The following MIPOL1 variants were observed in gnomAD, a reference collection of about 807,000 sequenced individuals.
MIPOL1 encodes the protein mirror-image polydactyly gene 1 protein.
Under a neutral mutation model 60.9 loss-of-function variants are expected in MIPOL1, and 57 were observed. The ratio of observed to expected loss-of-function variants is 0.94; its 90% CI spans 0.76 to 1.17. MIPOL1 has a LOEUF of 1.17. Among genes scored for constraint, MIPOL1 ranks in the 50% most tolerant of loss-of-function variants. The pLI is 0.00. For missense variants in MIPOL1, 551 were observed against 511.6 expected (o/e 1.08, Z -0.74); for synonymous variants, 179 against 168.8 (o/e 1.06, Z -0.47).
intron 11 of MIPOL1, among the ~76,000 whole-genome samples, chr14:37,454,377 G>GC (rs2094454431): frequency 6.6e-6 from 1 of 152,216 alleles, no homozygotes; most frequent in Non-Finnish European, 1.5e-5. Context: ...AGAAGGTGTA[G>GC]TGATAGTGTT....
intron 7 of MIPOL1, among the ~76,000 whole-genome samples, chr14:37,306,864 C>A (rs577969153): frequency 6.6e-6 from 1 of 151,476 alleles, no homozygotes; most frequent in Admixed American, 6.6e-5. Flanking sequence ...AAGTAGTTAC[C>A]CTTCTTGAAA....
At chr14:37,211,606 T>C (rs940627606) in intron 1 of MIPOL1, among the ~76,000 whole-genome samples, 6 of 152,086 alleles carry the variant, frequency 3.9e-5, no homozygotes, top group African/African-American at 1.2e-4. Context: ...TGCAGCACTC[T>C]ATGTCTCCAT....
At chr14:37,226,866 T>A (rs1969835442) in intron 1 of MIPOL1, among the ~76,000 whole-genome samples, 1 of 152,116 alleles carries the variant, frequency 6.6e-6, no homozygotes, top group African/African-American at 2.4e-5. Context: ...CCTTTCTGGG[T>A]AGTGTGAGAA....
chr14:37,210,455 C>T (rs927986308), intron 1 of MIPOL1, among the ~76,000 whole-genome samples: 1 of 152,140 alleles, frequency 6.6e-6, no homozygotes, highest in Non-Finnish European at 1.5e-5. Flanking sequence ...TGGGTTCTTC[C>T]TGTTCACTGC....
At chr14:37,368,382 C>T (rs1175400171) in intron 9 of MIPOL1, among the ~76,000 whole-genome samples, 1 of 151,794 alleles carries the variant, frequency 6.6e-6, no homozygotes, top group Non-Finnish European at 1.5e-5. Flanking sequence ...AATATTGATA[C>T]GTACTGCCTA....
chr14:37,363,626 G>C (rs2092364121), intron 9 of MIPOL1, among the ~76,000 whole-genome samples: 1 of 152,190 alleles, frequency 6.6e-6, no homozygotes, highest in Non-Finnish European at 1.5e-5. Context: ...CATTCTCAAA[G>C]CTCAAATGCC....
intron 11 of MIPOL1, among the ~76,000 whole-genome samples, chr14:37,443,680 G>A (rs940862919): frequency 6.8e-6 from 1 of 147,446 alleles, no homozygotes; most frequent in Non-Finnish European, 1.5e-5. Flanking sequence ...TTTTACATTA[G>A]TATGAAAACT....
chr14:37,446,812 A>T (rs1283123552), intron 11 of MIPOL1, among the ~76,000 whole-genome samples: 4 of 152,186 alleles, frequency 2.6e-5, no homozygotes, highest in Admixed American at 2.6e-4. Flanking sequence ...TTCTCAGCAA[A>T]CTATTGCAAG....
intron 11 of MIPOL1, among the ~76,000 whole-genome samples, chr14:37,495,075 TA>T (rs949623330): frequency 5.3e-5 from 8 of 151,878 alleles, no homozygotes; most frequent in African/African-American, 1.9e-4. Context: ...GTGAGACTTT[TA>T]AAACTTAATC....
At chr14:37,267,242 C>T (rs1251632509) in intron 4 of MIPOL1, 73 bp downstream of exon 4, 3 of 1,151,062 alleles carry the variant, frequency 2.6e-6, no homozygotes, top group Non-Finnish European at 3.8e-6. Context: ...AATCTCAGCA[C>T]TTTGGGAGGA....
At chr14:37,539,236 G>A (rs1323610922) in intron 12 of MIPOL1, among the ~76,000 whole-genome samples, 1 of 152,088 alleles carries the variant, frequency 6.6e-6, no homozygotes, top group African/African-American at 2.4e-5. Flanking sequence ...CTGCCCAGCT[G>A]AGCCAAGCCC....
At chr14:37,209,767 A>C (rs528320299) in intron 1 of MIPOL1, among the ~76,000 whole-genome samples, 7 of 152,218 alleles carry the variant, frequency 4.6e-5, no homozygotes, top group Admixed American at 1.3e-4. Flanking sequence ...ACAGTGGTGC[A>C]AACATGGCTC....
intron 1 of MIPOL1, among the ~76,000 whole-genome samples, chr14:37,208,772 G>A (rs1019418408): frequency 1.3e-5 from 2 of 152,034 alleles, no homozygotes; most frequent in Admixed American, 1.3e-4. Flanking sequence ...TTTTGTATTA[G>A]TAGAGATGGG....
intron 12 of MIPOL1, among the ~76,000 whole-genome samples, chr14:37,510,404 T>C (rs1237805387): frequency 6.6e-6 from 1 of 151,942 alleles, no homozygotes; most frequent in East Asian, 1.9e-4. Flanking sequence ...TTTTTTTGTT[T>C]TGTTTTGTTT....
chr14:37,534,934 C>T (rs938810093), intron 12 of MIPOL1, among the ~76,000 whole-genome samples: 1 of 152,036 alleles, frequency 6.6e-6, no homozygotes, highest in Admixed American at 6.6e-5. Context: ...ATCTAACTTA[C>T]AAAGTCTTAA....
intron 10 of MIPOL1, among the ~76,000 whole-genome samples, chr14:37,390,605 C>T (rs576431931): frequency 6.6e-6 from 1 of 151,924 alleles, no homozygotes; most frequent in South Asian, 2.1e-4. Flanking sequence ...ATTGTAATCT[C>T]TATAAAACAA....
At chr14:37,368,664 T>C (rs2092551630) in intron 9 of MIPOL1, among the ~76,000 whole-genome samples, 1 of 152,190 alleles carries the variant, frequency 6.6e-6, no homozygotes, top group East Asian at 1.9e-4. Context: ...TAGTACTTTA[T>C]TTCTTTAATC....
At chr14:37,293,844 A>G (rs559559999) in intron 7 of MIPOL1, among the ~76,000 whole-genome samples, 1 of 152,320 alleles carries the variant, frequency 6.6e-6, no homozygotes, top group South Asian at 2.1e-4. Context: ...ACCACAGCTC[A>G]AGGAGGCCTT....
chr14:37,489,559 G>T (rs1462018324), intron 11 of MIPOL1, among the ~76,000 whole-genome samples: 1 of 152,120 alleles, frequency 6.6e-6, no homozygotes, highest in Non-Finnish European at 1.5e-5. Context: ...GTCTTTTTCT[G>T]CTGGTTTCTC....
Sources: allele counts gnomAD v4.1 joint callset (sites outside exome capture counted in the v4.1 genomes callset), GRCh38; gene constraint gnomAD v4.1.1; transcripts MANE v1.5; gene names NCBI Gene and HGNC (gene_info 2026-07-23, HGNC 2026-07-21).